Variants in RBFOX1 observed in about 807,000 individuals in gnomAD.
RBFOX1 encodes the protein RNA binding fox-1 homolog 1.
Under a neutral mutation model 57.7 loss-of-function variants are expected in RBFOX1, and 8 were observed. That is an observed-to-expected ratio of 0.14 (90% CI 0.08 to 0.25). The LOEUF (loss-of-function observed/expected upper bound fraction) is 0.25. Ranked by LOEUF, RBFOX1 falls within the 10% of genes least tolerant of loss-of-function variation. RBFOX1 has a pLI of 1.00. For missense variants in RBFOX1, 611 were observed against 548.5 expected, an observed-to-expected ratio of 1.11 and a Z score of -1.14; for synonymous variants, 326 against 222.4, an observed-to-expected ratio of 1.47 and a Z score of -4.15.
intron 4 of RBFOX1, among the ~76,000 whole-genome samples, chr16:7,334,435 G>A (rs531983807): frequency 1.0e-3 from 158 of 152,240 alleles, no homozygotes; most frequent in African/African-American, 3.6e-3. Context: ...TACTGGAAAC[G>A]TGGGGTGAAG....
intron 1 of RBFOX1, among the ~76,000 whole-genome samples, chr16:5,378,693 T>G (rs1440373323): frequency 6.6e-6 from 1 of 151,444 alleles, no homozygotes; most frequent in Admixed American, 6.6e-5. Context: ...CTGTTCCTAT[T>G]ACCGATGGAC....
chr16:6,583,141 C>T (rs1427707705), intron 2 of RBFOX1, among the ~76,000 whole-genome samples: 1 of 152,076 alleles, frequency 6.6e-6, no homozygotes, highest in Non-Finnish European at 1.5e-5. Context: ...CTCAGAAAGC[C>T]AGCTGGAAGA....
chr16:6,729,309 T>C (rs532961004), intron 3 of RBFOX1, among the ~76,000 whole-genome samples: 9 of 152,292 alleles, frequency 5.9e-5, no homozygotes, highest in African/African-American at 1.7e-4. Context: ...AGCTCCTCAG[T>C]TGATTCTACT....
intron 1 of RBFOX1, among the ~76,000 whole-genome samples, chr16:6,065,775 C>A (rs372308384): frequency 6.6e-6 from 1 of 152,176 alleles, no homozygotes; most frequent in Non-Finnish European, 1.5e-5. Flanking sequence ...ATAACAGCCT[C>A]ATGGGATGAA....
At chr16:5,459,166 G>A (rs1466611258) in intron 1 of RBFOX1, among the ~76,000 whole-genome samples, 1 of 152,164 alleles carries the variant, frequency 6.6e-6, no homozygotes, top group Non-Finnish European at 1.5e-5. Context: ...CACATTCTAG[G>A]CAGTAATGAC....
At chr16:6,336,358 G>A (rs930001525) in intron 2 of RBFOX1, among the ~76,000 whole-genome samples, 7 of 150,934 alleles carry the variant, frequency 4.6e-5, no homozygotes, top group African/African-American at 1.7e-4. Context: ...ACCACGCCTG[G>A]CTAATTTTTT....
intron 3 of RBFOX1, among the ~76,000 whole-genome samples, chr16:5,812,477 G>C (rs1226345486): frequency 1.5e-5 from 2 of 134,348 alleles, no homozygotes; most frequent in East Asian, 4.2e-4. Context: ...TTTTTTTTCA[G>C]AGTTGGGGTC....
At chr16:6,266,102 G>T (rs550635371) in intron 1 of RBFOX1, among the ~76,000 whole-genome samples, 27 of 152,210 alleles carry the variant, frequency 1.8e-4, no homozygotes, top group Admixed American at 5.2e-4. Context: ...TGTCACTTCT[G>T]GGCGGAAGCT....
rs975768029 is a variant in RBFOX1 at position 7,666,317 on chromosome 16, G to C, written c.930+1349G>C. On this transcript the variant is annotated intron_variant, in intron 13 of 15. Transcript: ENST00000550418. ...AGGGCTTTAGAAATGAAAGGGAATA[G>C]ACAAGGGATAGAGAAATGGTTTTTT... Among the ~76,000 whole-genome samples the C allele has an allele frequency of 5.3e-5, 8 of 151,816 alleles. No individual in the cohort carries two copies. In the East Asian group the frequency reaches 1.5e-3, roughly 29 times the overall value.
At chr16:7,244,806 G>T (rs1023998947) in intron 4 of RBFOX1, among the ~76,000 whole-genome samples, 1 of 152,172 alleles carries the variant, frequency 6.6e-6, no homozygotes, top group Admixed American at 6.5e-5. Context: ...CAGACATATG[G>T]CTGTCTTGGT....
At chr16:7,205,475 T>G (rs189568818) in intron 4 of RBFOX1, among the ~76,000 whole-genome samples, 50 of 148,728 alleles carry the variant, frequency 3.4e-4, no homozygotes, top group African/African-American at 1.2e-3. Context: ...ATCATGCCAT[T>G]GCACTCCAGC....
Position 5,690,143 on chromosome 16 carries a change from C to T in RBFOX1, c.318+91182C>T, listed in dbSNP as rs542571667. 3.3e-5 allele frequency among the ~76,000 whole-genome samples: 5 copies of T among 152,292 alleles called. No individual in the cohort carries two copies. In the East Asian group the frequency reaches 7.7e-4, roughly 24 times the overall value. On this transcript the variant is annotated intron_variant, in intron 3 of 19. Coordinates refer to the RBFOX1 transcript ENST00000641259. The stretch of plus-strand genomic sequence containing the variant: ...AAGACGCCCCGGTTGGTTTTATTTT[C>T]CCTGAAAAGGAGTCTTGGTTTTCAT...
intron 3 of RBFOX1, among the ~76,000 whole-genome samples, chr16:6,873,557 C>G (rs373468366): frequency 6.6e-6 from 1 of 152,052 alleles, no homozygotes; most frequent in Non-Finnish European, 1.5e-5. Context: ...AAAAAAAGAA[C>G]AACTTTGCTG....
At chr16:5,780,680 A>G (rs1358069325) in intron 3 of RBFOX1, among the ~76,000 whole-genome samples, 1 of 152,154 alleles carries the variant, frequency 6.6e-6, no homozygotes, top group Non-Finnish European at 1.5e-5. Context: ...CCCATTCTCC[A>G]GTCTGACATA....
intron 3 of RBFOX1, chr16:6,705,212 C>T (rs897854696): frequency 6.6e-6 from 1 of 152,118 alleles, no homozygotes; most frequent in African/African-American, 2.4e-5. Context: ...TTTAAATGAA[C>T]AAATGGGTTG....
At chr16:5,705,731 G>A (rs2051220606) in intron 3 of RBFOX1, among the ~76,000 whole-genome samples, 1 of 152,168 alleles carries the variant, frequency 6.6e-6, no homozygotes, top group African/African-American at 2.4e-5. Flanking sequence ...TGGAAGCAAA[G>A]CAGGTGGGCT....
chr16:6,931,110 T>G (rs879615180), intron 3 of RBFOX1, among the ~76,000 whole-genome samples: 5 of 152,164 alleles, frequency 3.3e-5, no homozygotes, highest in Admixed American at 6.6e-5. Context: ...TACTTATTGA[T>G]TTATATTATA....
chr16:7,122,563 A>C (rs1318213857), intron 4 of RBFOX1, among the ~76,000 whole-genome samples: 1 of 152,174 alleles, frequency 6.6e-6, no homozygotes, highest in East Asian at 1.9e-4. Flanking sequence ...AAAAAAATTG[A>C]CAAGACTTAG....
intron 3 of RBFOX1, among the ~76,000 whole-genome samples, chr16:6,858,370 A>T (rs569557852): frequency 1.3e-5 from 2 of 152,262 alleles, no homozygotes; most frequent in African/African-American, 4.8e-5. Flanking sequence ...CAGATTCGTG[A>T]TACTTTCCTC....
Sources: allele counts gnomAD v4.1 joint callset (sites outside exome capture counted in the v4.1 genomes callset), GRCh38; gene constraint gnomAD v4.1.1; transcripts MANE v1.5; gene names NCBI Gene and HGNC (gene_info 2026-07-23, HGNC 2026-07-21).